HECW1: variants seen among roughly 807,000 people sequenced by gnomAD.
HECW1 encodes HECT, C2 and WW domain containing E3 ubiquitin protein ligase 1.
Under a neutral mutation model 182.3 loss-of-function variants are expected in HECW1, and 61 were observed. The observed-to-expected ratio is 0.33, with a 90% CI of 0.27 to 0.41. The LOEUF is 0.41. HECW1 is among the 10% of genes least tolerant of loss of function. The pLI, the probability that HECW1 is intolerant of heterozygous loss-of-function variation, is 1.00. For missense variants in HECW1, 1,739 were observed against 2,108.9 expected (o/e 0.82, Z 3.44); for synonymous variants, 859 against 832.6 (o/e 1.03, Z -0.55).
intron 3 of HECW1, among the ~76,000 whole-genome samples, chr7:43,279,685 C>A (rs1385137266): frequency 6.6e-6 from 1 of 152,158 alleles, no homozygotes; most frequent in Non-Finnish European, 1.5e-5. Flanking sequence ...CCTCTGCCAC[C>A]TTCTCCAAAA....
chr7:43,115,075 G>T (rs1784934190), intron 2 of HECW1, among the ~76,000 whole-genome samples: 1 of 152,208 alleles, frequency 6.6e-6, no homozygotes, highest in Non-Finnish European at 1.5e-5. Context: ...AGTTGGACTG[G>T]CTGGTTTCTA....
intron 5 of HECW1, among the ~76,000 whole-genome samples, chr7:43,350,004 G>A (rs1336716816): frequency 6.6e-6 from 1 of 152,132 alleles, no homozygotes; most frequent in East Asian, 1.9e-4. Flanking sequence ...CGTGTTTTCA[G>A]GATTTGTTTC....
chr7:43,320,533 A>G (rs1809975261), intron 4 of HECW1, 102 bp from the exon 5 acceptor site: 2 of 785,090 alleles, frequency 2.5e-6, no homozygotes, highest in Non-Finnish European at 2.1e-6. Flanking sequence ...TCTTCTGTTG[A>G]GATGGAAGCA....
intron 2 of HECW1, among the ~76,000 whole-genome samples, chr7:43,206,171 A>G (rs1795457442): frequency 6.6e-6 from 1 of 152,170 alleles, no homozygotes; most frequent in African/African-American, 2.4e-5. Context: ...CTTTTAGATG[A>G]GCTCCTACCA....
intron 19 of HECW1, among the ~76,000 whole-genome samples, chr7:43,497,960 G>T (rs77221082): frequency 2.6e-5 from 4 of 152,144 alleles, no homozygotes; most frequent in Admixed American, 1.3e-4. Context: ...GGAGGCAGTC[G>T]CCTGTCCTGT....
chr7:43,374,282 G>T (rs1401706049), intron 6 of HECW1, among the ~76,000 whole-genome samples: 2 of 152,158 alleles, frequency 1.3e-5, no homozygotes, highest in Admixed American at 6.5e-5. Context: ...TTCTCTACAT[G>T]ATTCAAGAGA....
At chr7:43,308,383 A>T (rs1474370096) in intron 3 of HECW1, among the ~76,000 whole-genome samples, 2 of 139,584 alleles carry the variant, frequency 1.4e-5, no homozygotes, top group Non-Finnish European at 3.0e-5. Flanking sequence ...ATATATTTAT[A>T]TATATATAAA....
At chr7:43,316,194 C>A (rs1809219342) in intron 4 of HECW1, among the ~76,000 whole-genome samples, 1 of 152,146 alleles carries the variant, frequency 6.6e-6, no homozygotes, top group Non-Finnish European at 1.5e-5. Flanking sequence ...CTATTATAAA[C>A]TGAGGAGCAG....
At chr7:43,523,584 A>G (rs765167495) in intron 24 of HECW1, among the ~76,000 whole-genome samples, 8 of 152,148 alleles carry the variant, frequency 5.3e-5, no homozygotes, top group Non-Finnish European at 1.0e-4. Flanking sequence ...GGTTGCAGTG[A>G]GCAGAGATCT....
intron 2 of HECW1, among the ~76,000 whole-genome samples, chr7:43,183,458 G>A (rs1224796733): frequency 6.6e-6 from 1 of 152,150 alleles, no homozygotes; most frequent in African/African-American, 2.4e-5. Context: ...TAGTCAGCAT[G>A]AGTTAGTGTC....
intron 2 of HECW1, among the ~76,000 whole-genome samples, chr7:43,161,114 A>G (rs958692797): frequency 2.0e-5 from 3 of 152,124 alleles, no homozygotes; most frequent in African/African-American, 7.2e-5. Context: ...GGTGACACAC[A>G]GGTGGAACTG....
chr7:43,522,751 G>A (rs1375151965), intron 24 of HECW1, among the ~76,000 whole-genome samples: 2 of 152,188 alleles, frequency 1.3e-5, no homozygotes, highest in Admixed American at 6.5e-5. Flanking sequence ...AGACTAGCCT[G>A]TGGCCAAACC....
At chr7:43,160,699 A>ATTAATT (rs1464753397) in intron 2 of HECW1, among the ~76,000 whole-genome samples, 2 of 152,008 alleles carry the variant, frequency 1.3e-5, no homozygotes, top group Non-Finnish European at 2.9e-5. Flanking sequence ...AATTCATCTC[A>ATTAATT]TTAATTTTCT....
At chr7:43,256,513 G>A (rs1175486017) in intron 3 of HECW1, among the ~76,000 whole-genome samples, 1 of 151,514 alleles carries the variant, frequency 6.6e-6, no homozygotes, top group East Asian at 1.9e-4. Flanking sequence ...GGAGGCTGAA[G>A]CAGGAGAATC....
At chr7:43,309,210 G>A (rs1405090600) in intron 3 of HECW1, among the ~76,000 whole-genome samples, 1 of 152,188 alleles carries the variant, frequency 6.6e-6, no homozygotes, top group Non-Finnish European at 1.5e-5. Context: ...GGTTACAGCA[G>A]AGTTGGTGCT....
intron 2 of HECW1, among the ~76,000 whole-genome samples, chr7:43,170,273 T>A: frequency 6.6e-6 from 1 of 152,334 alleles, no homozygotes; most frequent in African/African-American, 2.4e-5. Context: ...TACATGTATA[T>A]ACATTATATA....
intron 2 of HECW1, among the ~76,000 whole-genome samples, chr7:43,144,324 GT>G (rs991154272): frequency 6.6e-6 from 1 of 152,178 alleles, no homozygotes; most frequent in African/African-American, 2.4e-5. Flanking sequence ...CTGAGGTAGT[GT>G]TTGTTGGGTT....
chr7:43,430,171 T>C (rs1013859488), intron 8 of HECW1, among the ~76,000 whole-genome samples: 7 of 152,246 alleles, frequency 4.6e-5, no homozygotes, highest in Non-Finnish European at 7.3e-5. Flanking sequence ...TCTCCCTAAA[T>C]GAAAATAGTA....
At chr7:43,302,959 A>ACACACGCGCGCACG (rs1807045905) in intron 3 of HECW1, among the ~76,000 whole-genome samples, 1 of 152,136 alleles carries the variant, frequency 6.6e-6, no homozygotes, top group African/African-American at 2.4e-5. Flanking sequence ...ATGCGCGCAC[A>ACACACGCGCGCACG]CACACACACA....
Sources: allele counts gnomAD v4.1 joint callset (sites outside exome capture counted in the v4.1 genomes callset), GRCh38; gene constraint gnomAD v4.1.1; transcripts MANE v1.5; gene names NCBI Gene and HGNC (gene_info 2026-07-23, HGNC 2026-07-21).